GRIP1: variants seen among roughly 807,000 people sequenced by gnomAD.
GRIP1 encodes glutamate receptor-interacting protein 1.
A neutral mutation model predicts 129.9 loss-of-function variants in GRIP1; 45 were observed. The observed-to-expected ratio is 0.35, with a 90% CI of 0.27 to 0.44. The LOEUF (loss-of-function observed/expected upper bound fraction) is 0.44, where lower values mean the gene tolerates loss of function less well. Among genes scored for constraint, GRIP1 ranks in the 20% least tolerant of loss-of-function variants. The probability of loss-of-function intolerance (pLI) is 1.00; values close to 1 mark genes in which losing one functional copy is unlikely to be tolerated. For synonymous variants in GRIP1, 530 were observed against 520.8 expected (o/e 1.02, Z -0.24); for missense variants, 1,196 against 1,396.8 (o/e 0.86, Z 2.29).
intron 1 of GRIP1, among the ~76,000 whole-genome samples, chr12:66,625,441 A>G (rs187454555): frequency 6.6e-5 from 10 of 152,316 alleles, no homozygotes; most frequent in Admixed American, 2.0e-4. Flanking sequence ...CAGTGCTTTA[A>G]GTTACATCAA....
At chr12:67,036,104 C>T (rs1014443199) in intron 1 of GRIP1, among the ~76,000 whole-genome samples, 1 of 152,080 alleles carries the variant, frequency 6.6e-6, no homozygotes, top group African/African-American at 2.4e-5. Flanking sequence ...AGGTTCATCA[C>T]CATTGTTTCA....
At chr12:66,745,590 T>C (rs1421801464) in intron 1 of GRIP1, among the ~76,000 whole-genome samples, 1 of 152,142 alleles carries the variant, frequency 6.6e-6, no homozygotes, top group African/African-American at 2.4e-5. Flanking sequence ...AGGAGAATTA[T>C]GCAAAGCACT....
At chr12:66,698,373 T>TA (rs147936708) in intron 1 of GRIP1, among the ~76,000 whole-genome samples, 1 of 152,318 alleles carries the variant, frequency 6.6e-6, no homozygotes, top group Non-Finnish European at 1.5e-5. Flanking sequence ...CTTGTGTTTT[T>TA]AAAAAATATT....
intron 7 of GRIP1, among the ~76,000 whole-genome samples, chr12:66,502,500 C>G (rs959067008): frequency 1.3e-5 from 2 of 152,138 alleles, no homozygotes; most frequent in African/African-American, 4.8e-5. Flanking sequence ...TTCCAAATCT[C>G]ATGTTGAAAT....
At chr12:66,756,721 G>T (rs548257779) in intron 1 of GRIP1, among the ~76,000 whole-genome samples, 1 of 152,230 alleles carries the variant, frequency 6.6e-6, no homozygotes, top group Admixed American at 6.5e-5. Context: ...CTGCAATGAG[G>T]TAAATTTCCT....
intron 1 of GRIP1, among the ~76,000 whole-genome samples, chr12:66,628,081 C>T (rs1450738058): frequency 6.6e-6 from 1 of 152,138 alleles, no homozygotes; most frequent in African/African-American, 2.4e-5. Flanking sequence ...AGGAGAAATC[C>T]CCCAACTCTG....
At chr12:66,686,406 T>A (rs917242628) in intron 1 of GRIP1, among the ~76,000 whole-genome samples, 1 of 152,236 alleles carries the variant, frequency 6.6e-6, no homozygotes, top group Non-Finnish European at 1.5e-5. Flanking sequence ...TGATAGTAGA[T>A]TCTGGTCTAA....
At chr12:66,678,675 C>A (rs2034450095) in intron 1 of GRIP1, among the ~76,000 whole-genome samples, 175 bp downstream of exon 1, 1 of 151,882 alleles carries the variant, frequency 6.6e-6, no homozygotes, top group Non-Finnish European at 1.5e-5. Context: ...GATGTAAGGA[C>A]AGAAAGCAAA....
At chr12:66,788,421 C>T (rs2136838864) in intron 1 of GRIP1, among the ~76,000 whole-genome samples, 1 of 151,942 alleles carries the variant, frequency 6.6e-6, no homozygotes, top group African/African-American at 2.4e-5. Context: ...TGATTGAGAC[C>T]TCCTAGTATC....
chr12:66,395,436 T>TG (rs1485036477), intron 16 of GRIP1, among the ~76,000 whole-genome samples: 5 of 152,344 alleles, frequency 3.3e-5, no homozygotes, highest in African/African-American at 1.2e-4. Flanking sequence ...ATTTTTGCAG[T>TG]GAGCAGCTGT....
intron 1 of GRIP1, among the ~76,000 whole-genome samples, chr12:66,671,396 T>G (rs1171987956): frequency 1.3e-5 from 2 of 152,160 alleles, no homozygotes; most frequent in Non-Finnish European, 2.9e-5. Context: ...TCTTCTAGTT[T>G]GCATCTTGAA....
intron 2 of GRIP1, among the ~76,000 whole-genome samples, chr12:66,549,534 G>A (rs1173602238): frequency 6.6e-6 from 1 of 152,092 alleles, no homozygotes; most frequent in Non-Finnish European, 1.5e-5. Flanking sequence ...ATAAACAGAT[G>A]CTTTTTCCAA....
intron 24 of GRIP1, 123 bp downstream of exon 24, chr12:66,353,294 T>A: frequency 1.3e-6 from 1 of 786,548 alleles, no homozygotes; most frequent in Non-Finnish European, 2.3e-6. Flanking sequence ...ACTGATTCCA[T>A]AATCTTGATG....
chr12:67,040,798 C>T (rs1311264541), intron 1 of GRIP1, among the ~76,000 whole-genome samples: 1 of 152,176 alleles, frequency 6.6e-6, no homozygotes, highest in Non-Finnish European at 1.5e-5. Context: ...TCATGGTTAG[C>T]TCTGAGTCAA....
At chr12:67,001,412 G>T (rs1303027222) in intron 1 of GRIP1, among the ~76,000 whole-genome samples, 2 of 152,166 alleles carry the variant, frequency 1.3e-5, no homozygotes, top group African/African-American at 4.8e-5. Flanking sequence ...AATATTTTCT[G>T]TGAGACCCTG....
intron 2 of GRIP1, among the ~76,000 whole-genome samples, chr12:66,543,351 C>T (rs895637262): frequency 2.0e-5 from 3 of 152,084 alleles, no homozygotes; most frequent in Admixed American, 6.6e-5. Context: ...AAAGTAGAAG[C>T]CAAGGAGGAG....
At chr12:66,948,690 A>C (rs1166746960) in intron 1 of GRIP1, among the ~76,000 whole-genome samples, 1 of 152,206 alleles carries the variant, frequency 6.6e-6, no homozygotes, top group Non-Finnish European at 1.5e-5. Context: ...AAAATGAAGA[A>C]AACTTCAAAT....
chr12:66,575,386 T>G (rs1350012171), intron 2 of GRIP1, among the ~76,000 whole-genome samples: 1 of 152,218 alleles, frequency 6.6e-6, no homozygotes, highest in Admixed American at 6.5e-5. Flanking sequence ...ATGATACCAA[T>G]GTGTCTTCCA....
At chr12:66,628,817 C>T (rs758821728) in intron 1 of GRIP1, among the ~76,000 whole-genome samples, 8 of 152,148 alleles carry the variant, frequency 5.3e-5, no homozygotes, top group Middle Eastern at 3.2e-3. Context: ...AAGAATGATC[C>T]GGCCCAAAAT....
Sources: gnomAD v4.1 joint callset for allele counts (sites outside exome capture counted in the v4.1 genomes callset) on GRCh38, gnomAD v4.1.1 for gene constraint, MANE v1.5 for transcripts, NCBI Gene and HGNC (gene_info 2026-07-23, HGNC 2026-07-21) for gene names.